IDI1: variants seen among roughly 807,000 people sequenced by gnomAD.
The protein encoded by IDI1 is isopentenyl-diphosphate Delta-isomerase 1.
Under a neutral mutation model 32.9 loss-of-function variants are expected in IDI1, and 23 were observed. The observed-to-expected ratio is 0.70, with a 90% CI of 0.50 to 0.99. IDI1 has a LOEUF of 0.99. Among genes scored for constraint, IDI1 ranks in the 50% least tolerant of loss-of-function variants. IDI1 has a pLI of 0.00. For synonymous variants in IDI1, 133 were observed against 128.2 expected, an observed-to-expected ratio of 1.04 and a Z score of -0.25; for missense variants, 326 against 351.9, an observed-to-expected ratio of 0.93 and a Z score of 0.59.
chr10:1,051,775 G>C (rs1235004189), upstream of IDI1, among the ~76,000 whole-genome samples: 3 of 152,244 alleles, frequency 2.0e-5, no homozygotes, highest in East Asian at 3.8e-4. Context: ...GGTGGTGCTT[G>C]AAAGTTGGGG....
chr10:1,048,256 A>G, intron 1 of IDI1: 1 of 1,304,116 alleles, frequency 7.7e-7, no homozygotes, highest in Non-Finnish European at 1.0e-6. Flanking sequence ...TATGCGTTTA[A>G]AGAATACCAT....
chr10:1,045,710 G>C (rs7075830), intron 1 of IDI1, among the ~76,000 whole-genome samples: 14,146 of 152,260 alleles, frequency 0.093, 750 homozygotes, highest in African/African-American at 0.14. Flanking sequence ...CAGGAGATCT[G>C]CCTGCTTTGG....
upstream of IDI1, chr10:1,049,476 C>CCG (rs1554821222): frequency 6.6e-3 from 870 of 132,164 alleles, 47 homozygotes; most frequent in Middle Eastern, 0.011. Context: ...CCCCCCTCCC[C>CCG]CCCCCCGAGT....
intron 1 of IDI1, 83 bp downstream of exon 1, chr10:1,048,781 C>A: frequency 1.3e-6 from 2 of 1,540,414 alleles, no homozygotes; most frequent in Non-Finnish European, 1.7e-6. Context: ...GCTCAGACCT[C>A]GGGCCTCCTC....
intron 1 of IDI1, chr10:1,048,306 G>C (rs868367076): frequency 7.7e-7 from 1 of 1,304,344 alleles, no homozygotes; most frequent in East Asian, 5.5e-5. Context: ...CCAAGAAAAA[G>C]GTCTAGTTCC....
chr10:1,048,860 G>A lies in IDI1; in HGVS notation c.140+4C>T. The A allele has an allele frequency of 6.2e-7, 1 of 1,606,292 alleles. No homozygotes were observed. Among genetic ancestry groups the A allele is most frequent in the Non-Finnish European group, 8.5e-7 (1 of 1,177,390 alleles). On this transcript the variant is annotated splice_donor_region_variant and intron_variant, in intron 1 of 4. Coordinates refer to ENST00000381344, the MANE Select transcript of IDI1 (RefSeq NM_004508.4). ...TCCCGAACTCCGCCGCCCGTCCACAGTACCTGATCAGCCTCCGGCCACAGA... is the reference window on the plus strand; with the variant it reads ...TCCCGAACTCCGCCGCCCGTCCACAATACCTGATCAGCCTCCGGCCACAGA...
intron 4 of IDI1, among the ~76,000 whole-genome samples, chr10:1,041,836 C>T (rs967668039): frequency 1.4e-5 from 2 of 140,568 alleles, no homozygotes; most frequent in African/African-American, 2.7e-5. Context: ...GAGACGGAGT[C>T]TTGCTGTCAC....
At chr10:1,045,623 C>T (rs2472533) in intron 1 of IDI1, among the ~76,000 whole-genome samples, 59,241 of 152,062 alleles carry the variant, frequency 0.39, 12,179 homozygotes, top group East Asian at 0.54. Flanking sequence ...TGCACCACCA[C>T]GCCAGGCTAA....
chr10:1,051,471 C>T (rs559005179), upstream of IDI1, among the ~76,000 whole-genome samples: 1 of 152,266 alleles, frequency 6.6e-6, no homozygotes, highest in Non-Finnish European at 1.5e-5. Flanking sequence ...GTTTATCTGT[C>T]AGTTCTTTCC....
upstream of IDI1, among the ~76,000 whole-genome samples, chr10:1,050,829 C>T (rs182049360): frequency 1.2e-3 from 189 of 152,354 alleles, no homozygotes; most frequent in Non-Finnish European, 2.0e-3. Context: ...AACACGTAAA[C>T]ACCACAAAGA....
chr10:1,050,790 C>T (rs183607555), upstream of IDI1, among the ~76,000 whole-genome samples: 1 of 152,266 alleles, frequency 6.6e-6, no homozygotes, highest in Admixed American at 6.5e-5. Context: ...ACTGCAGCAC[C>T]CAGAGAAAAC....
Position 1,048,795 on chromosome 10 carries a change from G to A in IDI1, c.140+69C>T. Reference sequence around the variant, plus strand: ...GGCTCAGACCTCGGGCCTCCTCCCCGCCCCGTCCCGCAGCTCCCCGATGCC... The same window carrying A: ...GGCTCAGACCTCGGGCCTCCTCCCCACCCCGTCCCGCAGCTCCCCGATGCC... On this transcript the variant is annotated intron_variant, in intron 1 of 4. Coordinates refer to ENST00000381344, the MANE Select transcript of IDI1 (RefSeq NM_004508.4). 4 of 1,552,498 alleles carry A rather than the reference G, an allele frequency of 2.6e-6. No individual in the cohort carries two copies. In the South Asian group the frequency reaches 4.7e-5, roughly 18 times the overall value.
chr10:1,042,014 G>C (rs1589049113), intron 4 of IDI1, among the ~76,000 whole-genome samples: 1 of 151,774 alleles, frequency 6.6e-6, no homozygotes, highest in African/African-American at 2.4e-5. Flanking sequence ...TCACCATGTT[G>C]GTCAGGCTGG....
At position 1,048,893 on chromosome 10, in the gene IDI1, C is replaced by G. The variant is rs377321925; in HGVS notation, c.111G>C (p.Pro37=). 1.6e-5 allele frequency: 25 copies of G among 1,607,166 alleles called. No individual in the cohort carries two copies. Among genetic ancestry groups the G allele is most frequent in the African/African-American group, 2.7e-5 (2 of 74,082 alleles). Residue 37 remains proline (P), a synonymous_variant, in exon 1 of 5, where the codon CCG becomes CCC. Transcript: ENST00000381344. ...DCAQSGRHPG[P]AVVCGRRLIS... is the part of the protein sequence containing the mutation. ...TCAGCCTCCGGCCACAGACAACCGC[C>G]GGTCCCGGATGGCGCCCGCTTTGAG...
At chr10:1,055,715 CTTTT>C in the IDI1 span, among the ~76,000 whole-genome samples, 876 of 132,138 alleles carry the variant, frequency 6.6e-3, 12 homozygotes, top group African/African-American at 0.021. Flanking sequence ...AACTTCACTT[CTTTT>C]TTTTTTTTGG....
At position 1,044,080 on chromosome 10, in the gene IDI1, A is replaced by G. The variant is rs186649780; in HGVS notation, c.232T>C (p.Cys78Arg). Residue 78 changes from cysteine (C) to arginine (R), a missense_variant, in exon 2 of 5, where the codon TGT becomes CGT. Around this residue, in one of 2 missense-constraint regions of IDI1, gnomAD observed 205 missense variants for 273.5 expected, o/e 0.75. Transcript: ENST00000381344. ...KQQVQLLAEM[C>R]ILIDENDNKI... ...TTGTCATTTTCATCAATAAGGATAC[A>G]CATCTCTGCCAGGAGTTGAACCTGT... 3 of 1,613,502 alleles carry G rather than the reference A, an allele frequency of 1.9e-6. No homozygotes were observed. Among genetic ancestry groups the G allele is most frequent in the East Asian group, 2.2e-5 (1 of 44,878 alleles).
Position 1,048,913 on chromosome 10 carries a change from T to C in IDI1, c.91A>G (p.Ser31Gly), listed in dbSNP as rs1373348138. The C allele has an allele frequency of 6.2e-7, 1 of 1,604,778 alleles. No individual in the cohort carries two copies. The highest frequency in any genetic ancestry group is 8.5e-7 in the Non-Finnish European group (1 of 1,177,320). ...WAVRAADCAQ[S>G]GRHPGPAVVC... ...ACCGCCGGTCCCGGATGGCGCCCGC[T>C]TTGAGCACAGTCTGCGGCGCGCACC... Residue 31 changes from serine (S) to glycine (G), a missense_variant, in exon 1 of 5, where the codon AGC becomes GGC. Around this residue, in one of 2 missense-constraint regions of IDI1, gnomAD observed 121 missense variants for 78.4 expected, o/e 1.54. Transcript: ENST00000381344.
intron 2 of IDI1, 77 bp downstream of exon 2, chr10:1,043,922 G>T (rs1832708812): frequency 7.9e-7 from 1 of 1,259,192 alleles, no homozygotes; most frequent in South Asian, 1.3e-5. Context: ...GCACTTCCTT[G>T]AACAGAGTGC....
chr10:1,052,489 T>G (rs991860227), upstream of IDI1, among the ~76,000 whole-genome samples: 31 of 152,240 alleles, frequency 2.0e-4, no homozygotes, highest in African/African-American at 7.0e-4. Flanking sequence ...AGGGATGTTG[T>G]GTTAGCAGGC....
Sources: allele counts gnomAD v4.1 joint callset (sites outside exome capture counted in the v4.1 genomes callset), GRCh38; gene constraint gnomAD v4.1.1; regional missense constraint gnomAD v4.1.1; transcripts MANE v1.5; gene names NCBI Gene and HGNC (gene_info 2026-07-23, HGNC 2026-07-21).